The following EP400 variants were observed in gnomAD, a reference collection of about 807,000 sequenced individuals.
The protein encoded by EP400 is E1A-binding protein p400.
In EP400, 105 loss-of-function variants were observed where a neutral mutation model predicts 354.1. The observed-to-expected ratio is 0.30, with a 90% CI of 0.25 to 0.35. The LOEUF is 0.35. EP400 is among the 10% of genes least tolerant of loss of function. EP400 has a pLI of 1.00. For synonymous variants in EP400, 1,646 were observed against 1,716.9 expected, an observed-to-expected ratio of 0.96 and a Z score of 1.02; for missense variants, 3,280 against 4,121.0, an observed-to-expected ratio of 0.80 and a Z score of 5.59.
At chr12:132,014,156 G>A (rs768447651) in intron 19 of EP400, among the ~76,000 whole-genome samples, 6 of 152,242 alleles carry the variant, frequency 3.9e-5, no homozygotes, top group Admixed American at 6.5e-5. Flanking sequence ...AGCTGCCCAC[G>A]TGTAGGGTGG....
intron 2 of EP400, among the ~76,000 whole-genome samples, chr12:131,969,305 A>G (rs766241723): frequency 6.6e-6 from 1 of 152,282 alleles, no homozygotes; most frequent in South Asian, 2.1e-4. Context: ...AAATTGAGGC[A>G]TACTTTAAAA....
chr12:132,012,043 A>T (rs1364834791), intron 16 of EP400, among the ~76,000 whole-genome samples: 1 of 152,222 alleles, frequency 6.6e-6, no homozygotes, highest in East Asian at 1.9e-4. Context: ...TGCCTAATAG[A>T]TAACGTTTCT....
intron 51 of EP400, among the ~76,000 whole-genome samples, chr12:132,072,922 T>C (rs1896106505): frequency 6.6e-6 from 1 of 152,252 alleles, no homozygotes. Flanking sequence ...TGAAGCCTAT[T>C]CTCCTCACAT....
At position 132,028,198 on chromosome 12, in the gene EP400, C is replaced by G; in HGVS notation, c.5291C>G (p.Ala1764Gly). ...CGTCGTGGGAAGGAGGCCGGGCCAGCGCACAGTTACACTTCATCCTCAGAA... is the reference window on the plus strand; with the variant it reads ...CGTCGTGGGAAGGAGGCCGGGCCAGGGCACAGTTACACTTCATCCTCAGAA... ...DGRRGKEAGP[A>G]HSYTSSSESP... The change falls in exon 27 of 53, where the codon GCG becomes GGG. Residue 1764 changes from alanine to glycine, a missense_variant. Physicochemically the swap from Ala to Gly is moderately conservative, Grantham distance 60 (BLOSUM62 0). Coordinates refer to ENST00000389561, the MANE Select transcript of EP400 (RefSeq NM_015409.5). The G allele has an allele frequency of 6.2e-7, 1 of 1,614,112 alleles. No homozygotes were observed. The highest frequency in any genetic ancestry group is 8.5e-7 in the Non-Finnish European group (1 of 1,180,020).
intron 47 of EP400, among the ~76,000 whole-genome samples, chr12:132,064,395 C>T (rs549728267): frequency 6.6e-5 from 10 of 152,274 alleles, no homozygotes; most frequent in Admixed American, 2.0e-4. Flanking sequence ...AGATTTAAAT[C>T]GACTTGTTTG....
intron 12 of EP400, 136 bp downstream of exon 12, chr12:131,995,092 T>C: frequency 1.3e-6 from 1 of 773,090 alleles, no homozygotes; most frequent in Non-Finnish European, 2.1e-6. Flanking sequence ...GTGTGCCTCC[T>C]GCTGCTCTCT....
intron 48 of EP400, 85 bp from the exon 49 acceptor site, chr12:132,066,689 G>A (rs1895903835): frequency 1.4e-6 from 2 of 1,384,388 alleles, no homozygotes; most frequent in African/African-American, 3.0e-5. Context: ...ATTTTCTCAT[G>A]GCATGACCTC....
intron 19 of EP400, among the ~76,000 whole-genome samples, chr12:132,014,124 C>A (rs1455103303): frequency 6.6e-6 from 1 of 152,258 alleles, no homozygotes; most frequent in Non-Finnish European, 1.5e-5. Context: ...CACTTCCCGT[C>A]TCAGAAGCCC....
chr12:132,040,458 CA>C (rs752406494), intron 32 of EP400, among the ~76,000 whole-genome samples: 11 of 152,154 alleles, frequency 7.2e-5, no homozygotes, highest in Non-Finnish European at 1.3e-4. Flanking sequence ...GACATGGAAT[CA>C]ACCCAAGTGT....
At chr12:132,041,270 A>C (rs887741377) in intron 32 of EP400, among the ~76,000 whole-genome samples, 2 of 152,252 alleles carry the variant, frequency 1.3e-5, no homozygotes, top group African/African-American at 4.8e-5. Flanking sequence ...CCTTGTTGAC[A>C]TGCAAAAACA....
In EP400 at chr12:132,047,318, T is replaced by C. The variant is rs534290965; in HGVS notation, c.7200+1418T>C. The stretch of plus-strand genomic sequence containing the variant: ...AGCATTTATAATAATAGCCATTACC[T>C]TATTATGGAAAAAAAATTAAAGCTA... On this transcript the variant is annotated intron_variant, in intron 39 of 52. Transcript: ENST00000389561. 3.0e-3 allele frequency among the ~76,000 whole-genome samples: 450 copies of C among 152,350 alleles called. 4 individuals are homozygous for C. The highest frequency in any genetic ancestry group is 0.01 in the African/African-American group (436 of 41,582).
intron 51 of EP400, among the ~76,000 whole-genome samples, chr12:132,072,743 C>T (rs762225453): frequency 6.6e-5 from 10 of 152,180 alleles, no homozygotes; most frequent in Admixed American, 1.3e-4. Flanking sequence ...ATTGAGAAGG[C>T]GTGTTTAGAT....
At position 132,053,406 on chromosome 12, in the gene EP400, C is replaced by A; in HGVS notation, c.7537C>A (p.Gln2513Lys). Residue 2513 changes from glutamine to lysine, a missense_variant, in exon 43 of 53, where the codon CAG becomes AAG. By Grantham distance (53) the Gln-to-Lys change is moderately conservative. Around this residue, in one of 20 missense-constraint regions of EP400, gnomAD observed 255 missense variants for 295.9 expected, o/e 0.86. Coordinates refer to ENST00000389561, the MANE Select transcript of EP400 (RefSeq NM_015409.5). ...GGCCCAGCCACCCCCGCCCCAGCCG[C>A]AGCCCCCACCACCCCCGCAGCAGCC... The part of the protein sequence containing the change: ...AVAQPPPPQP[Q>K]PPPPPQQPPP... The A allele has an allele frequency of 7.2e-7, 1 of 1,395,622 alleles. No individual in the cohort carries two copies. The highest frequency in any genetic ancestry group is 9.7e-7 in the Non-Finnish European group (1 of 1,034,896). 86.5% of individuals were successfully genotyped at this position (1,395,622 alleles called of 1,614,324 possible).
In EP400 at chr12:132,053,234, CT is replaced by C. The variant is rs1565929972; in HGVS notation, c.7473+11del. The C allele has an allele frequency of 1.9e-6, 3 of 1,613,446 alleles. No homozygotes were observed. In the Admixed American group the frequency reaches 5.0e-5, roughly 27 times the overall value. ...CGCAAAAGAGAAAAAGGTCAGCGCCCTGGGCCCTTCTGCTTGAGTGGGAAAA... is the reference window on the plus strand; with the variant it reads ...CGCAAAAGAGAAAAAGGTCAGCGCCCGGGCCCTTCTGCTTGAGTGGGAAAA... On this transcript the variant is annotated intron_variant, in intron 42 of 52. Coordinates refer to ENST00000389561, the MANE Select transcript of EP400 (RefSeq NM_015409.5).
intron 52 of EP400, 66 bp from the exon 53 acceptor site, chr12:132,077,335 G>A (rs557336643): frequency 6.5e-6 from 10 of 1,542,354 alleles, no homozygotes; most frequent in South Asian, 6.2e-5. Flanking sequence ...CCCAAAGAAC[G>A]TCCATTTTCC....
chr12:132,003,774 T>TA (rs1893494093), intron 12 of EP400, among the ~76,000 whole-genome samples: 1 of 152,216 alleles, frequency 6.6e-6, no homozygotes. Context: ...AGCCAACACT[T>TA]ACTTTCACTG....
chr12:132,050,252 A>T lies in EP400; in HGVS notation c.7201-71A>T. The stretch of plus-strand genomic sequence containing the variant: ...TTTAGCCTCAGATTCCCACCCAGTG[A>T]GCCCTGTGTCCCACGCAGCCGTCTG... On this transcript the variant is annotated intron_variant, in intron 39 of 52. Transcript: ENST00000389561. The surrounding 1 kb of genome is among the most constrained non-coding windows in gnomAD (Gnocchi z 4.8). 4.5e-6 allele frequency: 7 copies of T among 1,566,318 alleles called. No homozygotes were observed. Among genetic ancestry groups the T allele is most frequent in the Non-Finnish European group, 6.1e-6 (7 of 1,150,162 alleles).
chr12:132,044,334 G>T lies in EP400; in HGVS notation c.6585+23G>T, dbSNP rs931294618. 1.1e-5 allele frequency: 18 copies of T among 1,603,322 alleles called. No individual in the cohort carries two copies. In the Admixed American group the frequency reaches 3.0e-4, roughly 27 times the overall value. ...ATGGTACCCGGCCCGGGGCCCTCCT[G>T]CCCTCTTGCCCCCCTGCTGAGGGGC... On this transcript the variant is annotated intron_variant, in intron 35 of 52. Transcript: ENST00000389561.
chr12:132,073,334 G>C (rs1455183374), intron 51 of EP400, among the ~76,000 whole-genome samples: 2 of 148,906 alleles, frequency 1.3e-5, no homozygotes, highest in East Asian at 3.9e-4. Context: ...GCACACTTCT[G>C]TATCAGAGTA....
Sources: allele counts gnomAD v4.1 joint callset (sites outside exome capture counted in the v4.1 genomes callset), GRCh38; gene constraint gnomAD v4.1.1; regional missense constraint gnomAD v4.1.1; non-coding constraint Gnocchi (gnomAD v3.1); transcripts MANE v1.5; gene names NCBI Gene and HGNC (gene_info 2026-07-23, HGNC 2026-07-21).